The following ACOT13 variants were observed in gnomAD, a reference collection of about 807,000 sequenced individuals.
ACOT13 encodes acyl-CoA thioesterase 13, also known as acyl-coenzyme A thioesterase 13.
ACOT13 carries 10 observed loss-of-function variants against 11.8 expected under a neutral mutation model. That is an observed-to-expected ratio of 0.85 (90% CI 0.53 to 1.44). ACOT13 has a LOEUF of 1.44. Ranked by LOEUF, ACOT13 falls within the 40% of genes most tolerant of loss-of-function variation. The pLI is 0.00. For synonymous variants in ACOT13, 53 were observed against 61.0 expected (o/e 0.87, Z 0.61); for missense variants, 172 against 174.1 (o/e 0.99, Z 0.07).
At chr6:24,671,735 C>T (rs571390354) in intron 1 of ACOT13, among the ~76,000 whole-genome samples, 3 of 152,058 alleles carry the variant, frequency 2.0e-5, no homozygotes, top group African/African-American at 4.8e-5. Flanking sequence ...AACAATTGTG[C>T]GTGGATGACT....
At chr6:24,687,553 G>C in intron 1 of ACOT13, 1 of 1,420,882 alleles carries the variant, frequency 7.0e-7, no homozygotes. Flanking sequence ...ATGGAAATGA[G>C]TGATGAAGGT....
rs1214949385 is a variant in ACOT13, at chr6:24,705,026, A to G, written c.*3411A>G. 1.3e-5 allele frequency: 2 copies of G among 152,160 alleles called. No homozygotes were observed. Among genetic ancestry groups the G allele is most frequent in the African/African-American group, 2.4e-5 (1 of 41,368 alleles). 9.4% of individuals were successfully genotyped at this position (152,160 alleles called of 1,614,324 possible). On this transcript the variant is annotated 3_prime_UTR_variant, in exon 3 of 3. Coordinates refer to ENST00000230048, the MANE Select transcript of ACOT13 (RefSeq NM_018473.4). ...AGTAGGATCATTCAGATTTACTCCA[A>G]TAAAAGTATGCAACCCTTAAGCAAA...
chr6:24,687,517 G>A (rs960509846), intron 1 of ACOT13: 2 of 1,374,384 alleles, frequency 1.5e-6, no homozygotes, highest in Admixed American at 6.8e-5. Context: ...GAATTCCAAA[G>A]GAAGGCAAAG....
intron 1 of ACOT13, among the ~76,000 whole-genome samples, chr6:24,690,613 C>T (rs376847245): frequency 6.6e-6 from 1 of 152,224 alleles, no homozygotes; most frequent in East Asian, 1.9e-4. Flanking sequence ...GTCACCACCA[C>T]CACTATCTCA....
chr6:24,687,617 G>A (rs1778652945), intron 1 of ACOT13: 1 of 1,473,244 alleles, frequency 6.8e-7, no homozygotes, highest in Admixed American at 2.5e-5. Flanking sequence ...AAGCAGTAAA[G>A]ATTTAGGACT....
intron 1 of ACOT13, among the ~76,000 whole-genome samples, chr6:24,675,868 T>C (rs1194455275): frequency 6.6e-6 from 1 of 152,260 alleles, no homozygotes; most frequent in Non-Finnish European, 1.5e-5. Flanking sequence ...GCCTAACATT[T>C]AAGTCTTTAA....
chr6:24,671,430 G>A (rs1778363366), intron 1 of ACOT13, among the ~76,000 whole-genome samples: 1 of 151,616 alleles, frequency 6.6e-6, no homozygotes, highest in Non-Finnish European at 1.5e-5. Flanking sequence ...TTTGGACACA[G>A]GGCAGGGAAC....
chr6:24,668,519 C>T (rs1778303411), intron 1 of ACOT13, among the ~76,000 whole-genome samples: 1 of 152,208 alleles, frequency 6.6e-6, no homozygotes, highest in Admixed American at 6.5e-5. Context: ...CCATGCCCCG[C>T]CAAAAGCAGG....
chr6:24,670,832 C>A (rs2127620822), intron 1 of ACOT13, among the ~76,000 whole-genome samples: 1 of 152,174 alleles, frequency 6.6e-6, no homozygotes, highest in Non-Finnish European at 1.5e-5. Context: ...TTAGTTCAGT[C>A]CCCTTAGTTA....
intron 1 of ACOT13, among the ~76,000 whole-genome samples, chr6:24,677,367 T>G (rs1778472059): frequency 1.3e-5 from 2 of 152,232 alleles, no homozygotes; most frequent in South Asian, 4.1e-4. Flanking sequence ...CAAGTCTCCT[T>G]TAGCAGTGAG....
chr6:24,702,868 C>G lies in ACOT13; in HGVS notation c.*1253C>G, dbSNP rs1444785761. 4.6e-5 allele frequency: 7 copies of G among 152,064 alleles called. 1 individual carries two copies. In the East Asian group the frequency reaches 1.3e-3, roughly 29 times the overall value. The allele number at this position is 152,064 out of a possible 1,614,324, so 9.4% of individuals were successfully genotyped here. Reference sequence around the variant, plus strand: ...TCCAAGTCTATAGTATTGAAAAGACCAAGTTCACTTCTCAGAAGTCTCCAA... The same window carrying G: ...TCCAAGTCTATAGTATTGAAAAGACGAAGTTCACTTCTCAGAAGTCTCCAA... On this transcript the variant is annotated 3_prime_UTR_variant, in exon 3 of 3. Coordinates refer to ENST00000230048, the MANE Select transcript of ACOT13 (RefSeq NM_018473.4).
In ACOT13 at chr6:24,696,327, G is replaced by A. The variant is rs116927263; in HGVS notation, c.82-1556G>A. 9.5e-4 allele frequency among the ~76,000 whole-genome samples: 145 copies of A among 152,298 alleles called. 1 individual carries two copies. The East Asian group carries it at 0.026, about 28-fold the overall frequency. ...TAGTTAGTGATTGGGAGATGTGAAG[G>A]TGGAAAGACCTACATCTACATCTCA... On this transcript the variant is annotated intron_variant, in intron 1 of 2. Coordinates refer to ENST00000230048, the MANE Select transcript of ACOT13 (RefSeq NM_018473.4).
chr6:24,685,332 C>CTTTTTTTTTTTTTTTTTTTTTTTTT (rs563020332), intron 1 of ACOT13, among the ~76,000 whole-genome samples: 1 of 116,784 alleles, frequency 8.6e-6, no homozygotes, highest in African/African-American at 3.1e-5. Flanking sequence ...TTTTACTGTA[C>CTTTTTTTTTTTTTTTTTTTTTTTTT]TTTTTTTTTT....
Position 24,674,015 on chromosome 6 carries a change from C to G in ACOT13, c.81+6671C>G, listed in dbSNP as rs533271061. Among the ~76,000 whole-genome samples the G allele has an allele frequency of 3.3e-5, 5 of 152,116 alleles. No individual in the cohort carries two copies. The South Asian group carries it at 1.0e-3, about 32-fold the overall frequency. On this transcript the variant is annotated intron_variant, in intron 1 of 2. Transcript: ENST00000230048. ...CTCTCTTATTTCCTGATTCCTTTAC[C>G]TTGTTGTATACATAACCTTTAAATA...
At chr6:24,691,388 G>A (rs1582443151) in intron 1 of ACOT13, among the ~76,000 whole-genome samples, 1 of 152,108 alleles carries the variant, frequency 6.6e-6, no homozygotes, top group South Asian at 2.1e-4. Context: ...ACGCCTGCAC[G>A]CAATGGAAGT....
At chr6:24,674,307 C>T (rs1439888168) in intron 1 of ACOT13, among the ~76,000 whole-genome samples, 2 of 152,082 alleles carry the variant, frequency 1.3e-5, no homozygotes, top group Admixed American at 6.5e-5. Context: ...CTGCATGCCA[C>T]GGCCTCCCAA....
At chr6:24,676,063 G>A (rs1383190897) in intron 1 of ACOT13, among the ~76,000 whole-genome samples, 1 of 152,144 alleles carries the variant, frequency 6.6e-6, no homozygotes, top group Non-Finnish European at 1.5e-5. Context: ...TGAGGGCTCT[G>A]TTCTGTTCCA....
In ACOT13 at chr6:24,701,590, G is replaced by C. The variant is rs1223961445; in HGVS notation, c.398G>C (p.Arg133Thr). 6.2e-7 allele frequency: 1 copy of C among 1,612,110 alleles called. No homozygotes were observed. The highest frequency in any genetic ancestry group is 8.5e-7 in the Non-Finnish European group (1 of 1,178,978). Residue 133 changes from arginine to threonine, a missense_variant, in exon 3 of 3, where the codon AGA (arginine) becomes ACA (threonine). Transcript: ENST00000230048. ...KATGKLIAQG[R>T]HTKHLGN ...ACAGGAAAATTAATAGCACAAGGAAGACACACAAAACACCTGGGAAACTGA... is the reference window on the plus strand; with the variant it reads ...ACAGGAAAATTAATAGCACAAGGAACACACACAAAACACCTGGGAAACTGA...
chr6:24,670,727 A>G (rs1778346883), intron 1 of ACOT13, among the ~76,000 whole-genome samples: 1 of 152,228 alleles, frequency 6.6e-6, no homozygotes, highest in South Asian at 2.1e-4. Flanking sequence ...AGTATACTAA[A>G]TTGTTAAAAG....
Sources: allele counts gnomAD v4.1 joint callset (sites outside exome capture counted in the v4.1 genomes callset), GRCh38; gene constraint gnomAD v4.1.1; transcripts MANE v1.5; gene names NCBI Gene and HGNC (gene_info 2026-07-23, HGNC 2026-07-21).